Variants in SCNN1G observed in about 807,000 individuals in gnomAD.
SCNN1G encodes epithelial sodium channel subunit gamma.
Under a neutral mutation model 64.6 loss-of-function variants are expected in SCNN1G, and 27 were observed. The ratio of observed to expected loss-of-function variants is 0.42; its 90% CI spans 0.31 to 0.58. The LOEUF is 0.58. Ranked by LOEUF, SCNN1G falls within the 20% of genes least tolerant of loss-of-function variation. The probability of loss-of-function intolerance (pLI) is 0.18; values close to 1 mark genes in which losing one functional copy is unlikely to be tolerated. For synonymous variants in SCNN1G, 330 were observed against 314.2 expected (o/e 1.05, Z -0.53); for missense variants, 743 against 823.4 (o/e 0.90, Z 1.19).
At chr16:23,200,959 C>G (rs1959879016) in intron 6 of SCNN1G, among the ~76,000 whole-genome samples, 1 of 152,184 alleles carries the variant, frequency 6.6e-6, no homozygotes, top group Non-Finnish European at 1.5e-5. Flanking sequence ...CCCAGATGCT[C>G]TCAGGAGGCA....
At position 23,214,793 on chromosome 16, in the gene SCNN1G, T is replaced by A; in HGVS notation, c.1569+6T>A. The A allele has an allele frequency of 6.2e-7, 1 of 1,608,442 alleles. No homozygotes were observed. Among genetic ancestry groups the A allele is most frequent in the Non-Finnish European group, 8.5e-7 (1 of 1,174,924 alleles). ...TGGAGAGCCCAGCCAACAGTGTGAG[T>A]AGAGTGGCTTCCTTCCAGGACCTGT... On this transcript the variant is annotated splice_donor_region_variant and intron_variant, in intron 12 of 12. Transcript: ENST00000300061.
At chr16:23,208,391 T>A (rs552478068) in intron 6 of SCNN1G, among the ~76,000 whole-genome samples, 1 of 152,296 alleles carries the variant, frequency 6.6e-6, no homozygotes, top group South Asian at 2.1e-4. Context: ...GGATTTTGAA[T>A]TTTGAGTGAC....
chr16:23,216,532 A>G lies in SCNN1G; in HGVS notation c.*1063A>G, dbSNP rs1596780416. 1 of 152,344 alleles carries G rather than the reference A, an allele frequency of 6.6e-6. No homozygotes were observed. Among genetic ancestry groups the G allele is most frequent in the African/African-American group, 2.4e-5 (1 of 41,590 alleles). 9.4% of individuals were successfully genotyped at this position (152,344 alleles called of 1,614,324 possible). A position where few individuals can be genotyped will look rare whatever the true frequency, so the allele number is the denominator to read the frequency against. On this transcript the variant is annotated 3_prime_UTR_variant, in exon 13 of 13. Coordinates refer to ENST00000300061, the MANE Select transcript of SCNN1G (RefSeq NM_001039.4). ...CCAACCCAAGAACAGGGTGTTAGGT[A>G]CTGTTTTAAGCACCTAGATAGGTTA... is the stretch of plus-strand genomic sequence containing the variant.
Position 23,192,498 on chromosome 16 carries a change from G to A in SCNN1G, c.765G>A (p.Glu255=). Residue 255 remains glutamate (E), a synonymous_variant, in exon 4 of 13, where the codon GAG becomes GAA. Coordinates refer to ENST00000300061, the MANE Select transcript of SCNN1G (RefSeq NM_001039.4). ...TCAACATGAGCTATTCTGCTGAGGA[G>A]CTGCTGGTGACCTGCTTCTTTGATG... ...KKINMSYSAE[E]LLVTCFFDGV... is the part of the protein sequence containing the mutation. The A allele has an allele frequency of 6.2e-7, 1 of 1,612,914 alleles. No homozygotes were observed. The highest frequency in any genetic ancestry group is 2.2e-5 in the East Asian group (1 of 44,862).
In SCNN1G at chr16:23,194,275, G is replaced by A. The variant is rs1959760028; in HGVS notation, c.913+1G>A. ...ACCTCCATGGGGGGCAGCGAATATG[G>A]TAAGGAAACCTGTGCCAAGGAGATC... On this transcript the variant is annotated splice_donor_variant, in intron 5 of 12. Transcript: ENST00000300061. LOFTEE classifies it high-confidence loss of function. 1 of 1,596,186 alleles carries A rather than the reference G, an allele frequency of 6.3e-7. No homozygotes were observed. The highest frequency in any genetic ancestry group is 1.3e-5 in the African/African-American group (1 of 74,508).
At chr16:23,210,814 T>G (rs999747701) in intron 7 of SCNN1G, among the ~76,000 whole-genome samples, 2 of 152,100 alleles carry the variant, frequency 1.3e-5, no homozygotes, top group African/African-American at 4.8e-5. Context: ...GGAAGATCAC[T>G]TGAGCCCAGG....
chr16:23,189,786 C>A, intron 3 of SCNN1G, 115 bp downstream of exon 3: 1 of 1,044,930 alleles, frequency 9.6e-7, no homozygotes, highest in Non-Finnish European at 1.5e-6. Context: ...ATACACCCAG[C>A]TGGGGTCAGA....
At chr16:23,210,879 T>A (rs965596664) in intron 7 of SCNN1G, among the ~76,000 whole-genome samples, 34 of 151,606 alleles carry the variant, frequency 2.2e-4, no homozygotes, top group African/African-American at 6.1e-4. Flanking sequence ...AAAAAAAAAA[T>A]TTGTTTTAAT....
Position 23,188,943 on chromosome 16 carries a change from G to A in SCNN1G, c.318-428G>A, listed in dbSNP as rs67592244. Among the ~76,000 whole-genome samples, 1,057 of 152,248 alleles carry A rather than the reference G, an allele frequency of 6.9e-3. 10 individuals carry two copies. The highest frequency in any genetic ancestry group is 6.5e-3 in the Non-Finnish European group (445 of 68,004). ...TCCTTCCCCCCAGCACAGATTTGAG[G>A]ACAATCAGTGGGCAGAGGCAGAGTG... is the stretch of plus-strand genomic sequence containing the variant. On this transcript the variant is annotated intron_variant, in intron 2 of 12. Transcript: ENST00000300061.
intron 2 of SCNN1G, among the ~76,000 whole-genome samples, chr16:23,188,248 C>T (rs1412255856): frequency 6.6e-6 from 1 of 152,188 alleles, no homozygotes; most frequent in African/African-American, 2.4e-5. Flanking sequence ...GTGGCTCATG[C>T]CTGAAATCTC....
At position 23,215,512 on chromosome 16, in the gene SCNN1G, G is replaced by C. The variant is rs771500280; in HGVS notation, c.*43G>C. 6.9e-6 allele frequency: 11 copies of C among 1,600,116 alleles called. No homozygotes were observed. The highest frequency in any genetic ancestry group is 1.6e-4 in the Middle Eastern group (1 of 6,078). ...AGATCTAGTCAGGACCACCAGCCAT[G>C]GTCTAAGGACATGGATCGGGTGCCC... On this transcript the variant is annotated 3_prime_UTR_variant, in exon 13 of 13. Coordinates refer to ENST00000300061, the MANE Select transcript of SCNN1G (RefSeq NM_001039.4).
At position 23,215,415 on chromosome 16, in the gene SCNN1G, G is replaced by A. The variant is rs1243101382; in HGVS notation, c.1896G>A (p.Leu632=). The A allele has an allele frequency of 6.2e-7, 1 of 1,613,816 alleles. No homozygotes were observed. ...TPPPKYNTLR[L]ERAFSNQLTD... ...CCCCCAAATACAATACCTTGCGCTT[G>A]GAGAGGGCCTTTTCCAACCAGCTCA... Residue 632 remains leucine (L), a synonymous_variant, in exon 13 of 13, where the codon TTG becomes TTA. Transcript: ENST00000300061.
At chr16:23,200,928 T>C (rs936838162) in intron 6 of SCNN1G, among the ~76,000 whole-genome samples, 1 of 152,168 alleles carries the variant, frequency 6.6e-6, no homozygotes, top group Admixed American at 6.5e-5. Context: ...AGGGAAACCA[T>C]CAAAATGGTC....
At chr16:23,203,010 C>T (rs1959917622) in intron 6 of SCNN1G, among the ~76,000 whole-genome samples, 3 of 152,118 alleles carry the variant, frequency 2.0e-5, no homozygotes, top group Non-Finnish European at 2.9e-5. Flanking sequence ...TCACCCAAGA[C>T]CTGAGACAGA....
At chr16:23,199,869 C>A (rs1350006024) in intron 6 of SCNN1G, among the ~76,000 whole-genome samples, 1 of 151,680 alleles carries the variant, frequency 6.6e-6, no homozygotes, top group Non-Finnish European at 1.5e-5. Flanking sequence ...GACAGGGTTT[C>A]ACTGTGTTAG....
At chr16:23,183,193 C>G (rs1470945627) in intron 1 of SCNN1G, among the ~76,000 whole-genome samples, 1 of 152,240 alleles carries the variant, frequency 6.6e-6, no homozygotes, top group East Asian at 1.9e-4. Flanking sequence ...TCCGGGGTGA[C>G]TTGGTGCAGA....
Position 23,215,373 on chromosome 16 carries a change from A to G in SCNN1G, c.1854A>G (p.Gln618=), listed in dbSNP as rs1960143870. The change falls in exon 13 of 13, where the codon CAA becomes CAG. Residue 618 remains glutamine, a synonymous_variant. Coordinates refer to ENST00000300061, the MANE Select transcript of SCNN1G (RefSeq NM_001039.4). ...ALHLPPALGT[Q]VPGTPPPKYN... Reference sequence around the variant, plus strand: ...ACCTGCCTCCAGCCCTAGGAACCCAAGTGCCCGGCACACCGCCCCCCAAAT... The same window carrying G: ...ACCTGCCTCCAGCCCTAGGAACCCAGGTGCCCGGCACACCGCCCCCCAAAT... The G allele has an allele frequency of 3.7e-6, 6 of 1,614,112 alleles. No homozygotes were observed. In the East Asian group the frequency reaches 1.3e-4, roughly 36 times the overall value.
intron 3 of SCNN1G, among the ~76,000 whole-genome samples, chr16:23,189,891 G>A (rs1475288489): frequency 6.6e-6 from 1 of 152,104 alleles, no homozygotes; most frequent in East Asian, 1.9e-4. Flanking sequence ...GGCCAACGTG[G>A]TAAAACCCAT....
rs1960158964 is a variant in SCNN1G, at chr16:23,216,355, C to G, written c.*886C>G. On this transcript the variant is annotated 3_prime_UTR_variant, in exon 13 of 13. Transcript: ENST00000300061. ...GGAGCATGGTGGGCCATGCTCTGGG[C>G]AGCTGTTCCAAGACAGAGCTGACCC... The G allele has an allele frequency of 1.3e-5, 2 of 152,220 alleles. No homozygotes were observed. The highest frequency in any genetic ancestry group is 4.8e-5 in the African/African-American group (2 of 41,420). The allele number at this position is 152,220 out of a possible 1,614,324, so 9.4% of individuals were successfully genotyped here.
Sources: gnomAD v4.1 joint callset for allele counts (sites outside exome capture counted in the v4.1 genomes callset) on GRCh38, gnomAD v4.1.1 for gene constraint, MANE v1.5 for transcripts, NCBI Gene and HGNC (gene_info 2026-07-23, HGNC 2026-07-21) for gene names.